The following NPAS3 variants were observed in gnomAD, a reference collection of about 807,000 sequenced individuals.
NPAS3 encodes the protein neuronal PAS domain protein 3, also known as neuronal PAS domain-containing protein 3.
Under a neutral mutation model 73.1 loss-of-function variants are expected in NPAS3, and 14 were observed. That is an observed-to-expected ratio of 0.19 (90% confidence interval 0.13 to 0.30). NPAS3 has a LOEUF of 0.30. NPAS3 is among the 10% of genes least tolerant of loss of function. The probability of loss-of-function intolerance (pLI) is 1.00; values close to 1 mark genes in which losing one functional copy is unlikely to be tolerated. For missense variants in NPAS3, 1,096 were observed against 1,250.0 expected, an observed-to-expected ratio of 0.88 and a Z score of 1.86; for synonymous variants, 620 against 541.5, an observed-to-expected ratio of 1.14 and a Z score of -2.01.
chr14:33,223,571 C>G (rs1460846289), intron 3 of NPAS3, among the ~76,000 whole-genome samples: 1 of 152,126 alleles, frequency 6.6e-6, no homozygotes, highest in Non-Finnish European at 1.5e-5. Context: ...GTCAGTGATT[C>G]TGGTCTGAAT....
At chr14:33,492,122 A>G (rs1022052354) in intron 4 of NPAS3, among the ~76,000 whole-genome samples, 1 of 152,116 alleles carries the variant, frequency 6.6e-6, no homozygotes, top group Non-Finnish European at 1.5e-5. Context: ...AATCTCACTC[A>G]CTTAGGGATC....
chr14:33,315,469 A>G (rs1330192192), intron 3 of NPAS3, among the ~76,000 whole-genome samples: 1 of 150,908 alleles, frequency 6.6e-6, no homozygotes, highest in East Asian at 2.0e-4. Flanking sequence ...TGTGTGCGCC[A>G]AGGGAGGACG....
At chr14:33,546,635 G>A (rs553104857) in intron 4 of NPAS3, among the ~76,000 whole-genome samples, 1 of 152,288 alleles carries the variant, frequency 6.6e-6, no homozygotes, top group East Asian at 1.9e-4. Context: ...TTATGTGATA[G>A]TTTTGAAAAT....
chr14:33,792,777 A>T (rs1427681364), intron 9 of NPAS3, among the ~76,000 whole-genome samples: 1 of 152,232 alleles, frequency 6.6e-6, no homozygotes, highest in Non-Finnish European at 1.5e-5. Context: ...AGCCAAATTT[A>T]TTACAGCAGT....
chr14:33,333,290 A>G (rs2044069369), intron 3 of NPAS3, among the ~76,000 whole-genome samples: 1 of 152,180 alleles, frequency 6.6e-6, no homozygotes, highest in Non-Finnish European at 1.5e-5. Flanking sequence ...ATATGCTTTG[A>G]TAAAGAAGAA....
intron 5 of NPAS3, among the ~76,000 whole-genome samples, chr14:33,604,476 A>T (rs2057495363): frequency 1.3e-5 from 2 of 152,090 alleles, no homozygotes; most frequent in African/African-American, 2.4e-5. Flanking sequence ...ATAAAGCAGT[A>T]CTGCTAAAAT....
intron 6 of NPAS3, among the ~76,000 whole-genome samples, chr14:33,687,199 A>T (rs1483878723): frequency 6.6e-6 from 1 of 152,246 alleles, no homozygotes; most frequent in African/African-American, 2.4e-5. Flanking sequence ...GGAATCGATG[A>T]TGCCGTCTGT....
At chr14:33,066,236 A>G (rs2041274334) in intron 2 of NPAS3, among the ~76,000 whole-genome samples, 1 of 152,142 alleles carries the variant, frequency 6.6e-6, no homozygotes, top group Non-Finnish European at 1.5e-5. Flanking sequence ...AAACAATGGT[A>G]TTCATGGCAC....
At chr14:33,727,525 C>T (rs2061301407) in intron 6 of NPAS3, among the ~76,000 whole-genome samples, 1 of 151,682 alleles carries the variant, frequency 6.6e-6, no homozygotes, top group South Asian at 2.1e-4. Context: ...GCTGCCTTCA[C>T]AAAGGTGTTT....
chr14:33,497,506 G>T (rs1347559455), intron 4 of NPAS3, among the ~76,000 whole-genome samples: 2 of 152,046 alleles, frequency 1.3e-5, no homozygotes, highest in African/African-American at 4.8e-5. Flanking sequence ...AAGATATATA[G>T]ACCAATGGAA....
intron 6 of NPAS3, among the ~76,000 whole-genome samples, chr14:33,697,930 T>C (rs2060429783): frequency 6.6e-6 from 1 of 152,250 alleles, no homozygotes. Flanking sequence ...GGTCCAATTA[T>C]AAGTGATGAA....
In NPAS3 at chr14:33,225,280, A is replaced by G. The variant is rs534581103; in HGVS notation, c.385+9854A>G. On this transcript the variant is annotated intron_variant, in intron 3 of 11. Coordinates refer to ENST00000356141, the Ensembl canonical transcript of NPAS3. ...CATAAGTTTTCTTTAAAATTTATAA[A>G]TTATTTCCATTTAAGAGTCATACAT... Among the ~76,000 whole-genome samples, 17 of 152,348 alleles carry G rather than the reference A, an allele frequency of 1.1e-4. No homozygotes were observed. In the South Asian group the frequency reaches 2.9e-3, roughly 26 times the overall value.
chr14:33,787,502 CA>C (rs1295535173), intron 9 of NPAS3, among the ~76,000 whole-genome samples: 39 of 150,384 alleles, frequency 2.6e-4, no homozygotes, highest in African/African-American at 9.3e-4. Context: ...TACTCATTCA[CA>C]AAACATCTAC....
At chr14:33,398,340 G>T (rs2047310214) in intron 4 of NPAS3, among the ~76,000 whole-genome samples, 1 of 150,860 alleles carries the variant, frequency 6.6e-6, no homozygotes, top group Non-Finnish European at 1.5e-5. Context: ...TTGTTCCTGT[G>T]AAGTAAATGA....
chr14:33,683,427 CAA>C (rs1176606241), intron 6 of NPAS3, among the ~76,000 whole-genome samples: 115 of 77,518 alleles, frequency 1.5e-3, no homozygotes, highest in African/African-American at 3.0e-3. Flanking sequence ...TTCCTCATTT[CAA>C]AAAAAAAAAA....
Position 33,370,464 on chromosome 14 carries a change from G to A in NPAS3, c.468+3196G>A, listed in dbSNP as rs116143210. Among the ~76,000 whole-genome samples the A allele has an allele frequency of 8.0e-3, 1,217 of 152,220 alleles. 19 individuals are homozygous for A. The highest frequency in any genetic ancestry group is 0.027 in the African/African-American group (1,106 of 41,530). The stretch of plus-strand genomic sequence containing the variant: ...ATATGATGGCTGCTTCACATATGCA[G>A]TGGGACATATAAGAGATGAAGGAAG... On this transcript the variant is annotated intron_variant, in intron 4 of 11. Transcript: ENST00000356141.
At chr14:33,534,983 G>A (rs761149775) in intron 4 of NPAS3, among the ~76,000 whole-genome samples, 1 of 152,130 alleles carries the variant, frequency 6.6e-6, no homozygotes, top group Non-Finnish European at 1.5e-5. Flanking sequence ...GAACATATTA[G>A]CAAGGAGCAG....
At chr14:33,267,105 AT>A (rs2040853772) in intron 3 of NPAS3, among the ~76,000 whole-genome samples, 1 of 152,206 alleles carries the variant, frequency 6.6e-6, no homozygotes, top group Non-Finnish European at 1.5e-5. Context: ...GCTTTTAAAA[AT>A]CAATGGTTGC....
chr14:33,215,129 TGATGACA>T, intron 2 of NPAS3, 46 bp from the exon 3 acceptor site: 1 of 1,565,442 alleles, frequency 6.4e-7, no homozygotes, highest in South Asian at 1.2e-5. Flanking sequence ...AGTATTTGAA[TGATGACA>T]GAGTCACATA....
Sources: allele counts gnomAD v4.1 joint callset (sites outside exome capture counted in the v4.1 genomes callset), GRCh38; gene constraint gnomAD v4.1.1; transcripts MANE v1.5; gene names NCBI Gene and HGNC (gene_info 2026-07-23, HGNC 2026-07-21).